Variants in ADGRE1 observed in about 807,000 individuals in gnomAD.
ADGRE1 encodes adhesion G protein-coupled receptor E1, also known as EGF-like module receptor 1.
A neutral mutation model predicts 102.7 loss-of-function variants in ADGRE1; 82 were observed. The observed-to-expected ratio is 0.80, with a 90% CI of 0.67 to 0.96. The LOEUF is 0.96. ADGRE1 is among the 40% of genes least tolerant of loss of function. The pLI is 0.00. For missense variants in ADGRE1, 1,032 were observed against 1,085.3 expected (o/e 0.95, Z 0.69); for synonymous variants, 398 against 399.6 (o/e 1.00, Z 0.05).
chr19:6,898,307 A>G, intron 5 of ADGRE1: 2 of 1,597,040 alleles, frequency 1.3e-6, no homozygotes, highest in Admixed American at 3.3e-5. Flanking sequence ...CTCTGTCTAG[A>G]TATTGATGAA....
chr19:6,934,180 C>G (rs556078511), intron 17 of ADGRE1, among the ~76,000 whole-genome samples: 36 of 152,236 alleles, frequency 2.4e-4, no homozygotes, highest in African/African-American at 8.2e-4. Flanking sequence ...TGCTTGGAGG[C>G]TGTTGCACGG....
chr19:6,927,298 T>TTC (rs1427696832), intron 16 of ADGRE1, among the ~76,000 whole-genome samples: 1 of 100,636 alleles, frequency 9.9e-6, no homozygotes, highest in African/African-American at 4.2e-5. Context: ...CCTCCCTCCC[T>TTC]CTCTTCCTCC....
chr19:6,939,749 CCA>C (rs1051404275), intron 20 of ADGRE1, among the ~76,000 whole-genome samples: 32 of 152,240 alleles, frequency 2.1e-4, no homozygotes, highest in African/African-American at 7.5e-4. Context: ...TATCATGTGA[CCA>C]CTCATATGGG....
At chr19:6,897,607 G>C in intron 5 of ADGRE1, 60 bp downstream of exon 5, 1 of 1,452,252 alleles carries the variant, frequency 6.9e-7, no homozygotes, top group South Asian at 1.6e-5. Flanking sequence ...CATCTCACTG[G>C]AAGACCATAT....
intron 18 of ADGRE1, among the ~76,000 whole-genome samples, chr19:6,936,811 C>T (rs894329221): frequency 9.2e-5 from 14 of 152,016 alleles, no homozygotes; most frequent in African/African-American, 3.1e-4. Context: ...TTAGTAGAGA[C>T]GGGTTTTCAC....
rs766785602 is a variant in ADGRE1 at position 6,896,504 on chromosome 19, G to A, written c.201G>A (p.Gly67=). ...AACAAGGCTTCCTGTCCAGCAATGG[G>A]CAAAATCACTTCAAGGATCCAGGAG... ...ACKQGFLSSN[G]QNHFKDPGVR... is the part of the protein sequence containing the mutation. The change falls in exon 3 of 21, where the codon GGG becomes GGA. Residue 67 remains glycine (G), a synonymous_variant. Coordinates refer to ENST00000312053, the MANE Select transcript of ADGRE1 (RefSeq NM_001974.5). The A allele has an allele frequency of 3.1e-6, 5 of 1,613,996 alleles. No individual in the cohort carries two copies. The highest frequency in any genetic ancestry group is 2.7e-5 in the African/African-American group (2 of 74,920).
At chr19:6,939,785 G>T (rs1295005188) in intron 20 of ADGRE1, among the ~76,000 whole-genome samples, 1 of 152,174 alleles carries the variant, frequency 6.6e-6, no homozygotes, top group Non-Finnish European at 1.5e-5. Flanking sequence ...ACCAACAGCT[G>T]TTTGGCTTCC....
chr19:6,938,707 T>C (rs1018093190), intron 20 of ADGRE1, among the ~76,000 whole-genome samples: 6 of 152,078 alleles, frequency 3.9e-5, no homozygotes, highest in Admixed American at 6.6e-5. Flanking sequence ...GCCTCGGACA[T>C]AGCAGGATCT....
rs188774689 is a variant in ADGRE1 at position 6,924,468 on chromosome 19, C to T, written c.1792-210C>T. On this transcript the variant is annotated intron_variant, in intron 14 of 20. Transcript: ENST00000312053. ...CAAGCCCCAGTAATACATGGAGTAA[C>T]GCATAGGACAGGACTGGGAATAGGT... is the stretch of plus-strand genomic sequence containing the variant. Among the ~76,000 whole-genome samples the T allele has an allele frequency of 1.0e-3, 153 of 152,196 alleles. 1 individual carries two copies. Among genetic ancestry groups the T allele is most frequent in the Admixed American group, 2.9e-3 (45 of 15,278 alleles).
intron 18 of ADGRE1, among the ~76,000 whole-genome samples, chr19:6,936,579 A>G (rs1665280373): frequency 6.6e-6 from 1 of 150,500 alleles, no homozygotes; most frequent in Non-Finnish European, 1.5e-5. Context: ...CTTTTCGTAC[A>G]TTCACAGTGT....
At chr19:6,933,383 G>T (rs952964347) in intron 17 of ADGRE1, among the ~76,000 whole-genome samples, 2 of 141,300 alleles carry the variant, frequency 1.4e-5, no homozygotes, top group Non-Finnish European at 3.0e-5. Flanking sequence ...AAAGTGTGAA[G>T]ACTTTTTTTT....
At chr19:6,939,988 C>T in intron 20 of ADGRE1, 36 bp from the exon 21 acceptor site, 1 of 1,613,068 alleles carries the variant, frequency 6.2e-7, no homozygotes, top group Non-Finnish European at 8.5e-7. Context: ...ATTAATTCTG[C>T]TGCAGACTCT....
chr19:6,905,654 C>T (rs1216978640), intron 8 of ADGRE1, among the ~76,000 whole-genome samples: 1 of 151,930 alleles, frequency 6.6e-6, no homozygotes, highest in African/African-American at 2.4e-5. Flanking sequence ...CCCGGCCAAC[C>T]TTTCTTTTAA....
rs1190977892 is a variant in ADGRE1 at position 6,937,665 on chromosome 19, T to C, written c.2655+17T>C. 1.9e-6 allele frequency: 3 copies of C among 1,611,728 alleles called. No individual in the cohort carries two copies. The highest frequency in any genetic ancestry group is 2.5e-6 in the Non-Finnish European group (3 of 1,178,134). ...TCCAAGACGGTGAGAGACTGCATGC[T>C]CCCTGCAGGTGCTGGTCGAGGGAGG... On this transcript the variant is annotated intron_variant, in intron 20 of 20. Coordinates refer to ENST00000312053, the MANE Select transcript of ADGRE1 (RefSeq NM_001974.5).
chr19:6,934,419 C>CTTTTTTTTTTTTT (rs71177132), intron 17 of ADGRE1, among the ~76,000 whole-genome samples: 1 of 95,472 alleles, frequency 1.0e-5, no homozygotes, highest in Non-Finnish European at 1.9e-5. Flanking sequence ...TCTTCTTCTT[C>CTTTTTTTTTTTTT]TTTTTTTTTT....
At chr19:6,895,545 C>T (rs1453130329) in intron 2 of ADGRE1, 1 of 152,156 alleles carries the variant, frequency 6.6e-6, no homozygotes, top group Non-Finnish European at 1.5e-5. Context: ...GAATTGGCAT[C>T]CTCCAGGCAC....
At chr19:6,899,728 A>G (rs1433910940) in intron 5 of ADGRE1, among the ~76,000 whole-genome samples, 3 of 151,962 alleles carry the variant, frequency 2.0e-5, no homozygotes, top group South Asian at 4.2e-4. Flanking sequence ...CACAAAACCT[A>G]TTCTGGGGAG....
chr19:6,917,910 A>G lies in ADGRE1; in HGVS notation c.1420+1542A>G, dbSNP rs180859293. ...TAAATCCTCTGGCTGTGATATGGGC[A>G]ATCCATTGGAGAGGTGAGGCTAGGG... is the stretch of plus-strand genomic sequence containing the variant. On this transcript the variant is annotated intron_variant, in intron 12 of 20. Transcript: ENST00000312053. Among the ~76,000 whole-genome samples the G allele has an allele frequency of 1.1e-3, 163 of 152,260 alleles. 1 individual carries two copies. The Middle Eastern group carries it at 0.037, about 35-fold the overall frequency.
At chr19:6,914,478 A>G (rs1191705647) in intron 11 of ADGRE1, among the ~76,000 whole-genome samples, 1 of 152,224 alleles carries the variant, frequency 6.6e-6, no homozygotes, top group Non-Finnish European at 1.5e-5. Flanking sequence ...TACTTGATAG[A>G]TAACTACTTG....
Sources: gnomAD v4.1 joint callset for allele counts (sites outside exome capture counted in the v4.1 genomes callset) on GRCh38, gnomAD v4.1.1 for gene constraint, MANE v1.5 for transcripts, NCBI Gene and HGNC (gene_info 2026-07-23, HGNC 2026-07-21) for gene names.